The following DRP2 variants were observed in gnomAD, a reference collection of about 807,000 sequenced individuals.
DRP2 encodes dystrophin related protein 2.
In DRP2, 29 loss-of-function variants were observed where a neutral mutation model predicts 78.2. The ratio of observed to expected loss-of-function variants is 0.37; its 90% confidence interval spans 0.28 to 0.51. The LOEUF (loss-of-function observed/expected upper bound fraction) is 0.51, where lower values mean the gene tolerates loss of function less well. Ranked by LOEUF, DRP2 falls within the 20% of genes least tolerant of loss-of-function variation. DRP2 has a pLI of 0.94. For missense variants in DRP2, 686 were observed against 770.6 expected (o/e 0.89, Z 1.30); for synonymous variants, 290 against 281.9 (o/e 1.03, Z -0.29).
In DRP2 at chrX:101,260,156, T is replaced by C. The variant is rs1923496036; in HGVS notation, c.2736T>C (p.Asp912=). 8.3e-7 allele frequency: 1 copy of C among 1,209,543 alleles called. No homozygotes were observed. The highest frequency in any genetic ancestry group is 2.2e-5 in the Admixed American group (1 of 45,759). ...HPREKGQTTP[D]TEAADDVGSK... is the part of the protein sequence containing the mutation. ...GGGAGAAGGGACAGACTACTCCAGA[T>C]ACCGAGGCTGCAGGTGAGTTCCCCT... The change falls in exon 23 of 24, where the codon GAT becomes GAC. Residue 912 remains aspartate, a synonymous_variant. Transcript: ENST00000395209.
At chrX:101,235,656 G>A (rs1417981776) in intron 3 of DRP2, among the ~76,000 whole-genome samples, 1 of 112,512 alleles carries the variant, frequency 8.9e-6, no homozygotes, top group Non-Finnish European at 1.9e-5. Context: ...CTATGTAACT[G>A]ACCTGTACCA....
intron 12 of DRP2, 54 bp from the exon 13 acceptor site, chrX:101,248,035 C>G: frequency 1.8e-6 from 2 of 1,117,946 alleles, no homozygotes. Context: ...TATTTAATCC[C>G]TGGGGTTCTA....
At chrX:101,246,311 G>A (rs149869871) in intron 11 of DRP2, among the ~76,000 whole-genome samples, 141 of 112,494 alleles carry the variant, frequency 1.3e-3, no homozygotes, top group African/African-American at 4.3e-3. Flanking sequence ...GCTGTGATGA[G>A]CGTAACTCTT....
chrX:101,247,249 C>A, intron 12 of DRP2, 85 bp downstream of exon 12: 1 of 927,661 alleles, frequency 1.1e-6, no homozygotes, highest in Non-Finnish European at 1.5e-6. Flanking sequence ...TTTCCTCCCA[C>A]CTTGGCAAAG....
Position 101,244,221 on chromosome X carries a change from T to G in DRP2, c.1055-796T>G, listed in dbSNP as rs908319811. On this transcript the variant is annotated intron_variant, in intron 9 of 23. Transcript: ENST00000395209. ...CAGGGAGGCCTATTTGGAGGTACAT[T>G]GCAATAATCCAGGTGAGGGATTATG... 2.7e-5 allele frequency among the ~76,000 whole-genome samples: 3 copies of G among 111,021 alleles called. No individual in the cohort carries two copies. In the East Asian group the frequency reaches 8.5e-4, roughly 31 times the overall value.
At position 101,242,419 on chromosome X, in the gene DRP2, T is replaced by C. The variant is rs1922766949; in HGVS notation, c.923T>C (p.Met308Thr). The change falls in exon 8 of 24, where the codon ATG becomes ACG. Residue 308 changes from methionine (M) to threonine (T), a missense_variant. Physicochemically the swap from Met to Thr is moderately conservative, Grantham distance 81. This residue lies in a region of DRP2 where 263 missense variants were observed against 239.1 expected (regional missense o/e 1.10). Coordinates refer to ENST00000395209, the MANE Select transcript of DRP2 (RefSeq NM_001939.3). ...QLAISDVHLS[M>T]ENSQALEQIN... ...GCCATTTCTGATGTGCACTTGTCAA[T>C]GGAGAATTCCCAGGCCCTGGAACAG... is the stretch of plus-strand genomic sequence containing the variant. The C allele has an allele frequency of 1.7e-6, 2 of 1,211,558 alleles. No individual in the cohort carries two copies. The highest frequency in any genetic ancestry group is 5.9e-5 in the East Asian group (2 of 33,829).
chrX:101,244,935 G>A (rs1428086226), intron 9 of DRP2, 82 bp from the exon 10 acceptor site: 5 of 945,120 alleles, frequency 5.3e-6, no homozygotes, highest in Non-Finnish European at 7.3e-6. Flanking sequence ...AACCTCTTTG[G>A]GAGAATAGAG....
At chrX:101,230,644 A>G (rs1050938100) in intron 2 of DRP2, among the ~76,000 whole-genome samples, 1 of 111,407 alleles carries the variant, frequency 9.0e-6, no homozygotes, top group Admixed American at 9.6e-5. Context: ...TCTGCTTGTC[A>G]TTCAAGGCAT....
intron 3 of DRP2, among the ~76,000 whole-genome samples, chrX:101,233,903 G>A: frequency 8.9e-6 from 1 of 111,853 alleles, no homozygotes; most frequent in South Asian, 3.8e-4. Context: ...GAGGTCTGAG[G>A]GCTATGGCTC....
chrX:101,225,784 A>T (rs1242111324), intron 2 of DRP2, among the ~76,000 whole-genome samples: 4 of 111,811 alleles, frequency 3.6e-5, no homozygotes, highest in Non-Finnish European at 7.5e-5. Context: ...ATTTAGTAAA[A>T]AATTTTATCT....
Position 101,247,140 on chromosome X carries a change from C to T in DRP2, c.1228C>T (p.Arg410Cys), listed in dbSNP as rs774929602. The change falls in exon 12 of 24, where the codon CGC becomes TGC. Residue 410 changes from arginine (R) to cysteine (C), a missense_variant. Around this residue, in one of 2 missense-constraint regions of DRP2, gnomAD observed 423 missense variants for 531.5 expected, o/e 0.80. Coordinates refer to ENST00000395209, the MANE Select transcript of DRP2 (RefSeq NM_001939.3). ...FSAYRTAMKL[R>C]RVQKALRLDL... Reference sequence around the variant, plus strand: ...AGCTTATCGCACTGCCATGAAACTCCGCAGAGTCCAGAAAGCCCTGCGCTG... The same window carrying T: ...AGCTTATCGCACTGCCATGAAACTCTGCAGAGTCCAGAAAGCCCTGCGCTG... 1.1e-5 allele frequency: 13 copies of T among 1,208,568 alleles called. No homozygotes were observed. The highest frequency in any genetic ancestry group is 1.5e-5 in the Non-Finnish European group (13 of 894,604).
At chrX:101,250,887 T>A (rs1230990726) in intron 15 of DRP2, 30 bp from the exon 16 acceptor site, 1 of 1,204,285 alleles carries the variant, frequency 8.3e-7, no homozygotes, top group Non-Finnish European at 1.1e-6. Context: ...TGGGCCTCAG[T>A]CATTCCCATT....
At chrX:101,228,592 G>C (rs978037692) in intron 2 of DRP2, among the ~76,000 whole-genome samples, 1 of 111,444 alleles carries the variant, frequency 9.0e-6, no homozygotes, top group Admixed American at 9.6e-5. Context: ...TCACAGTGCT[G>C]TACTTCCTAT....
chrX:101,243,406 A>G (rs1287701216), intron 9 of DRP2, among the ~76,000 whole-genome samples: 1 of 101,625 alleles, frequency 9.8e-6, no homozygotes, highest in African/African-American at 4.0e-5. Flanking sequence ...TCAAAAAAAA[A>G]AAAAAAAAAA....
chrX:101,242,299 G>A (rs778543486), intron 7 of DRP2, 26 bp from the exon 8 acceptor site: 2 of 1,204,343 alleles, frequency 1.7e-6, no homozygotes, highest in Non-Finnish European at 2.2e-6. Flanking sequence ...TCTGTCTGCT[G>A]TGGCACTTGG....
At chrX:101,257,151 G>C (rs1602936073) in intron 21 of DRP2, among the ~76,000 whole-genome samples, 1 of 110,081 alleles carries the variant, frequency 9.1e-6, no homozygotes, top group East Asian at 2.9e-4. Context: ...GCCTCTTATG[G>C]GGCATGAAGT....
chrX:101,225,152 G>T (rs1001858980), intron 2 of DRP2, among the ~76,000 whole-genome samples: 2 of 92,521 alleles, frequency 2.2e-5, no homozygotes, highest in East Asian at 2.9e-4. Context: ...TTCATGATTT[G>T]CCAGCCTGGT....
intron 6 of DRP2, 69 bp downstream of exon 6, chrX:101,239,170 C>G: frequency 3.6e-6 from 4 of 1,101,187 alleles, no homozygotes; most frequent in Non-Finnish European, 3.6e-6. Context: ...CAAACACCCT[C>G]CTGCCTTCCC....
intron 5 of DRP2, 146 bp from the exon 6 acceptor site, chrX:101,238,835 C>CGATAGGTAGTTTTTTTTTTTT (rs1459347980): frequency 5.6e-6 from 4 of 708,401 alleles, no homozygotes; most frequent in Non-Finnish European, 8.1e-6. Context: ...GATTGCACGC[C>CGATAGGTAGTTTTTTTTTTTT]TTTTTGTCTA....
Sources: allele counts gnomAD v4.1 joint callset (sites outside exome capture counted in the v4.1 genomes callset), GRCh38; gene constraint gnomAD v4.1.1; regional missense constraint gnomAD v4.1.1; transcripts MANE v1.5; gene names NCBI Gene and HGNC (gene_info 2026-07-23, HGNC 2026-07-21).